TTC23: variants seen among roughly 807,000 people sequenced by gnomAD.
TTC23 encodes tetratricopeptide repeat domain 23.
In TTC23, 58 loss-of-function variants were observed where a neutral mutation model predicts 55.1. That is an observed-to-expected ratio of 1.05 (90% CI 0.85 to 1.31). TTC23 has a LOEUF of 1.31. Among genes scored for constraint, TTC23 ranks in the 50% most tolerant of loss-of-function variants. The pLI is 0.00. For missense variants in TTC23, 516 were observed against 534.4 expected (o/e 0.97, Z 0.34); for synonymous variants, 203 against 199.9 (o/e 1.02, Z -0.13).
intron 12 of TTC23, among the ~76,000 whole-genome samples, chr15:99,142,758 C>T (rs1337309624): frequency 2.0e-5 from 3 of 152,204 alleles, no homozygotes; most frequent in Non-Finnish European, 4.4e-5. Context: ...TGCAAATTCT[C>T]AGTGTCTACT....
chr15:99,151,077 T>TG (rs1334033150), intron 12 of TTC23, among the ~76,000 whole-genome samples: 1 of 152,212 alleles, frequency 6.6e-6, no homozygotes. Context: ...ACTGAGCACT[T>TG]GGGAGGTTAC....
intron 9 of TTC23, among the ~76,000 whole-genome samples, chr15:99,177,215 T>C (rs1183735561): frequency 6.6e-6 from 1 of 152,258 alleles, no homozygotes; most frequent in Non-Finnish European, 1.5e-5. Flanking sequence ...AAAATAAGAC[T>C]GCAGGTAATA....
At chr15:99,215,062 G>A (rs1481805865) in intron 8 of TTC23, among the ~76,000 whole-genome samples, 1 of 151,022 alleles carries the variant, frequency 6.6e-6, no homozygotes, top group Non-Finnish European at 1.5e-5. Flanking sequence ...CGCCATGTTA[G>A]CTAGGCTGGT....
At chr15:99,178,022 A>C (rs917479654) in intron 9 of TTC23, among the ~76,000 whole-genome samples, 5 of 152,134 alleles carry the variant, frequency 3.3e-5, no homozygotes, top group South Asian at 4.1e-4. Flanking sequence ...TGTACTAAAA[A>C]ATAAAAAAAA....
In TTC23 at chr15:99,194,466, G is replaced by A. The variant is rs562274887; in HGVS notation, c.759+5453C>T. Among the ~76,000 whole-genome samples the A allele has an allele frequency of 7.2e-3, 1,028 of 142,800 alleles. 5 individuals are homozygous for A. The highest frequency in any genetic ancestry group is 0.01 in the Non-Finnish European group (677 of 66,396). The allele number at this position is 142,800 out of a possible 152,430, so 93.7% of individuals were successfully genotyped here. A position where few individuals can be genotyped will look rare whatever the true frequency, so the allele number is the denominator to read the frequency against. On this transcript the variant is annotated intron_variant, in intron 9 of 13. Coordinates refer to ENST00000394132, the MANE Select transcript of TTC23 (RefSeq NM_001288615.3). ...TAGGCCCACATAAATACAGTCCACT[G>A]ATCTTTGGCAAAGGAGCAAAGGCAA...
intron 4 of TTC23, among the ~76,000 whole-genome samples, chr15:99,229,615 C>A (rs1237276884): frequency 6.6e-6 from 1 of 152,108 alleles, no homozygotes; most frequent in Admixed American, 6.5e-5. Flanking sequence ...GACAGAGGAA[C>A]CAAGATATTA....
chr15:99,179,188 T>G (rs1362201023), intron 9 of TTC23, among the ~76,000 whole-genome samples: 2 of 152,136 alleles, frequency 1.3e-5, no homozygotes, highest in East Asian at 1.9e-4. Context: ...AAACTTACTT[T>G]CCTCCTTACT....
At chr15:99,146,529 G>A (rs564845477) in intron 12 of TTC23, among the ~76,000 whole-genome samples, 2 of 152,270 alleles carry the variant, frequency 1.3e-5, no homozygotes, top group East Asian at 3.9e-4. Flanking sequence ...TGTTTCCAGC[G>A]AAGCTCCGAA....
At chr15:99,147,504 C>T (rs1020226877) in intron 12 of TTC23, among the ~76,000 whole-genome samples, 7 of 150,966 alleles carry the variant, frequency 4.6e-5, no homozygotes, top group African/African-American at 1.2e-4. Flanking sequence ...GGATTACAGG[C>T]GTGAGCCACC....
At chr15:99,147,591 C>G (rs2069101095) in intron 12 of TTC23, among the ~76,000 whole-genome samples, 1 of 152,142 alleles carries the variant, frequency 6.6e-6, no homozygotes, top group African/African-American at 2.4e-5. Context: ...GGCTCTCATT[C>G]TCATATAAAC....
chr15:99,250,916 C>G (rs1287550376), upstream of TTC23, among the ~76,000 whole-genome samples: 1 of 152,154 alleles, frequency 6.6e-6, no homozygotes, highest in African/African-American at 2.4e-5. Context: ...TTACATAAAC[C>G]CACTGGCCTG....
intron 4 of TTC23, among the ~76,000 whole-genome samples, chr15:99,233,997 C>A (rs1332672385): frequency 1.3e-5 from 2 of 151,852 alleles, no homozygotes; most frequent in Non-Finnish European, 2.9e-5. Flanking sequence ...AACAAAAAAC[C>A]CCTTTGATCT....
chr15:99,149,974 G>C (rs1478314371), intron 12 of TTC23, among the ~76,000 whole-genome samples: 1 of 152,236 alleles, frequency 6.6e-6, no homozygotes, highest in Non-Finnish European at 1.5e-5. Flanking sequence ...GGGGTGCAGT[G>C]GCTGGGCTGA....
intron 10 of TTC23, among the ~76,000 whole-genome samples, chr15:99,169,877 G>C (rs1312954874): frequency 1.3e-5 from 2 of 152,162 alleles, no homozygotes; most frequent in Non-Finnish European, 2.9e-5. Context: ...CATTCCATCT[G>C]CTGTCACTGA....
intron 1 of TTC23, 52 bp downstream of exon 1, chr15:99,249,119 T>C (rs902258449): frequency 6.6e-6 from 1 of 152,228 alleles, no homozygotes; most frequent in Admixed American, 6.5e-5. Context: ...AAGCACAGTT[T>C]CTTAAAGTAG....
In TTC23 at chr15:99,136,784, G is replaced by A. The variant is rs2067625667; in HGVS notation, c.*1226C>T. ...TCTTACACGTTTTTAGCACACTGCT[G>A]ATGTCCGACAGGCCTGGGTCTGGGA... On this transcript the variant is annotated 3_prime_UTR_variant, in exon 14 of 14. Transcript: ENST00000394132. The A allele has an allele frequency of 6.6e-6, 1 of 152,222 alleles. No homozygotes were observed. Among genetic ancestry groups the A allele is most frequent in the African/African-American group, 2.4e-5 (1 of 41,428 alleles). The allele number at this position is 152,222 out of a possible 1,614,324, so 9.4% of individuals were successfully genotyped here.
At chr15:99,240,815 T>C (rs1005474199) in intron 3 of TTC23, among the ~76,000 whole-genome samples, 2 of 152,244 alleles carry the variant, frequency 1.3e-5, no homozygotes, top group Non-Finnish European at 2.9e-5. Flanking sequence ...AGATGCTGCT[T>C]TTTTATACAC....
At chr15:99,144,606 G>A (rs191809087) in intron 12 of TTC23, 1 of 152,172 alleles carries the variant, frequency 6.6e-6, no homozygotes, top group Non-Finnish European at 1.5e-5. Flanking sequence ...TATTCATGGA[G>A]ACAGTGCAGC....
chr15:99,193,850 G>T (rs2075457909), intron 9 of TTC23, among the ~76,000 whole-genome samples: 2 of 151,880 alleles, frequency 1.3e-5, no homozygotes, highest in East Asian at 3.9e-4. Flanking sequence ...TCTACTCAAA[G>T]ATACAAAAAT....
Sources: allele counts gnomAD v4.1 joint callset (sites outside exome capture counted in the v4.1 genomes callset), GRCh38; gene constraint gnomAD v4.1.1; transcripts MANE v1.5; gene names NCBI Gene and HGNC (gene_info 2026-07-23, HGNC 2026-07-21).